Variants in CACNA1E observed in about 807,000 individuals in gnomAD.
The protein encoded by CACNA1E is voltage-dependent R-type calcium channel subunit alpha-1E.
CACNA1E carries 40 observed loss-of-function variants against 259.2 expected under a neutral mutation model. The observed-to-expected ratio is 0.15, with a 90% CI of 0.12 to 0.20. CACNA1E has a LOEUF of 0.20. CACNA1E is among the 10% of genes least tolerant of loss of function. CACNA1E has a pLI of 1.00. For missense variants in CACNA1E, 1,874 were observed against 3,040.1 expected (o/e 0.62, Z 9.02); for synonymous variants, 1,104 against 1,138.5 (o/e 0.97, Z 0.61).
chr1:181,379,082 A>T (rs1655291262), intron 1 of CACNA1E, among the ~76,000 whole-genome samples: 1 of 152,224 alleles, frequency 6.6e-6, no homozygotes, highest in Admixed American at 6.5e-5. Flanking sequence ...AATCATTATT[A>T]TAACTGTATT....
At chr1:181,690,978 C>T (rs990668920) in intron 7 of CACNA1E, among the ~76,000 whole-genome samples, 5 of 151,868 alleles carry the variant, frequency 3.3e-5, no homozygotes, top group African/African-American at 1.2e-4. Flanking sequence ...TTTTAGCTAT[C>T]CTGCTTTTAT....
chr1:181,474,454 A>G (rs1194694744), intron 2 of CACNA1E, among the ~76,000 whole-genome samples: 3 of 152,218 alleles, frequency 2.0e-5, no homozygotes, highest in Non-Finnish European at 2.9e-5. Context: ...TCACATTTGA[A>G]TGTACTGTAT....
intron 8 of CACNA1E, among the ~76,000 whole-genome samples, chr1:181,713,658 G>C (rs1157665874): frequency 6.6e-6 from 1 of 152,040 alleles, no homozygotes. Context: ...TGTTTAGTAG[G>C]GTCTGAAGCT....
chr1:181,540,248 G>A lies in CACNA1E; in HGVS notation c.512+28738G>A, dbSNP rs77949454. Among the ~76,000 whole-genome samples, 1,302 of 152,218 alleles carry A rather than the reference G, an allele frequency of 8.6e-3. 7 individuals carry two copies. The highest frequency in any genetic ancestry group is 0.012 in the Non-Finnish European group (828 of 68,010). On this transcript the variant is annotated intron_variant, in intron 3 of 47. Transcript: ENST00000367573. ...CTTCGAGTAGGTGCCTCATCATCAG[G>A]AATGCCCTGTATCCTCATCTCCCAA...
At chr1:181,793,463 A>G (rs908193511) in intron 44 of CACNA1E, among the ~76,000 whole-genome samples, 1 of 152,238 alleles carries the variant, frequency 6.6e-6, no homozygotes, top group Non-Finnish European at 1.5e-5. Flanking sequence ...TCAGCACTCA[A>G]TCCCAGCTAG....
chr1:181,784,029 A>G (rs1660649606), intron 40 of CACNA1E, among the ~76,000 whole-genome samples: 1 of 152,212 alleles, frequency 6.6e-6, no homozygotes, highest in African/African-American at 2.4e-5. Flanking sequence ...TGTCTGGCTC[A>G]CAATAGGTAT....
intron 1 of CACNA1E, among the ~76,000 whole-genome samples, chr1:181,389,363 C>A (rs953294209): frequency 1.3e-5 from 2 of 152,194 alleles, no homozygotes; most frequent in African/African-American, 4.8e-5. Context: ...CTTCGTGTTA[C>A]CTGTCTGAAT....
chr1:181,358,956 G>A (rs1329138196), intron 1 of CACNA1E, among the ~76,000 whole-genome samples: 1 of 152,220 alleles, frequency 6.6e-6, no homozygotes, highest in Non-Finnish European at 1.5e-5. Context: ...GATGACACCA[G>A]AAGGTTTATT....
chr1:181,721,724 G>A, intron 15 of CACNA1E, 34 bp from the exon 16 acceptor site: 2 of 1,436,400 alleles, frequency 1.4e-6, no homozygotes, highest in Non-Finnish European at 2.0e-6. Context: ...CTCCAGCCCA[G>A]GTTTCTGATG....
At chr1:181,534,414 T>C (rs1357044207) in intron 3 of CACNA1E, among the ~76,000 whole-genome samples, 1 of 152,132 alleles carries the variant, frequency 6.6e-6, no homozygotes, top group Non-Finnish European at 1.5e-5. Context: ...TGTTATTGTA[T>C]AAACAAAGTT....
rs1023681783 is a variant in CACNA1E, at chr1:181,630,893, A to G, written c.952-20445A>G. Among the ~76,000 whole-genome samples, 4 of 151,962 alleles carry G rather than the reference A, an allele frequency of 2.6e-5. No individual in the cohort carries two copies. The East Asian group carries it at 5.8e-4, about 22-fold the overall frequency. ...CAGAGGTCTCCAACAGAGGCTGTCC[A>G]TGTGTACTGGTTTCAAGTTCTGCTT... On this transcript the variant is annotated intron_variant, in intron 6 of 47. Transcript: ENST00000367573.
chr1:181,634,314 G>A (rs1265842331), intron 6 of CACNA1E, among the ~76,000 whole-genome samples: 3 of 152,138 alleles, frequency 2.0e-5, no homozygotes, highest in African/African-American at 7.2e-5. Context: ...GTTCAAGGCT[G>A]CACAAAGATT....
At chr1:181,528,447 G>T (rs1305063068) in intron 3 of CACNA1E, among the ~76,000 whole-genome samples, 1 of 152,184 alleles carries the variant, frequency 6.6e-6, no homozygotes, top group East Asian at 1.9e-4. Flanking sequence ...GGAGAGGGGT[G>T]TTGCTGAAAA....
intron 1 of CACNA1E, among the ~76,000 whole-genome samples, chr1:181,374,426 G>T (rs1654945506): frequency 6.7e-6 from 1 of 149,368 alleles, no homozygotes; most frequent in East Asian, 2.0e-4. Context: ...AATTGATTCA[G>T]TTTTTTTTCT....
chr1:181,691,737 C>T (rs1275638787), intron 7 of CACNA1E, among the ~76,000 whole-genome samples: 1 of 152,110 alleles, frequency 6.6e-6, no homozygotes, highest in Non-Finnish European at 1.5e-5. Context: ...AAGCTGGAAG[C>T]ATTCCTCTTG....
intron 22 of CACNA1E, 43 bp from the exon 23 acceptor site, chr1:181,737,482 G>A (rs374878367): frequency 5.2e-5 from 84 of 1,609,344 alleles, no homozygotes; most frequent in Admixed American, 1.2e-4. Context: ...GGGCATGGGC[G>A]TGGTGGGGAG....
rs1007808195 is a variant in CACNA1E, at chr1:181,796,054, T to C, written c.6209-614T>C. ...TTATGATAGAGTTCCTGAGCCATAT[T>C]GTTAACCAAGATCCTATATTGTGTG... On this transcript the variant is annotated intron_variant, in intron 46 of 47. Coordinates refer to ENST00000367573, the MANE Select transcript of CACNA1E (RefSeq NM_001205293.3). Among the ~76,000 whole-genome samples the C allele has an allele frequency of 6.6e-5, 10 of 152,284 alleles. No individual in the cohort carries two copies. In the East Asian group the frequency reaches 1.7e-3, roughly 26 times the overall value.
intron 1 of CACNA1E, among the ~76,000 whole-genome samples, chr1:181,401,568 G>A (rs1657104116): frequency 6.6e-6 from 1 of 152,148 alleles, no homozygotes; most frequent in Non-Finnish European, 1.5e-5. Context: ...GATTGTTGAG[G>A]AGATTGGCTA....
intron 3 of CACNA1E, among the ~76,000 whole-genome samples, chr1:181,531,806 G>A (rs1422278819): frequency 2.0e-5 from 3 of 152,218 alleles, no homozygotes; most frequent in Non-Finnish European, 4.4e-5. Flanking sequence ...TGCAATCCCA[G>A]CACTTTGGGA....
Sources: allele counts gnomAD v4.1 joint callset (sites outside exome capture counted in the v4.1 genomes callset), GRCh38; gene constraint gnomAD v4.1.1; transcripts MANE v1.5; gene names NCBI Gene and HGNC (gene_info 2026-07-23, HGNC 2026-07-21).